Variants in DENND5B observed in about 807,000 individuals in gnomAD.
The protein encoded by DENND5B is DENN domain-containing protein 5B.
DENND5B carries 34 observed loss-of-function variants against 140.6 expected under a neutral mutation model. That is an observed-to-expected ratio of 0.24 (90% CI 0.18 to 0.32). The LOEUF (loss-of-function observed/expected upper bound fraction) is 0.32. Among genes scored for constraint, DENND5B ranks in the 10% least tolerant of loss-of-function variants. The pLI is 1.00. For missense variants in DENND5B, 1,142 were observed against 1,560.2 expected (o/e 0.73, Z 4.52); for synonymous variants, 551 against 562.1 (o/e 0.98, Z 0.28).
intron 6 of DENND5B, among the ~76,000 whole-genome samples, chr12:31,446,974 A>G (rs1944304547): frequency 6.6e-6 from 1 of 151,712 alleles, no homozygotes; most frequent in South Asian, 2.1e-4. Context: ...CAATAAAGAG[A>G]ATAAAACAAA....
rs372540800 is a variant in DENND5B at position 31,389,528 on chromosome 12, A to G, written c.3467-30T>C. 3.2e-5 allele frequency: 49 copies of G among 1,548,050 alleles called. No homozygotes were observed. In the African/African-American group the frequency reaches 5.6e-4, roughly 18 times the overall value. On this transcript the variant is annotated intron_variant, in intron 19 of 20. Transcript: ENST00000389082. ...GGAAAAAAGTCAGAATTATGTCACA[A>G]TATGTGTCAACACTTCATATATAGA...
intron 5 of DENND5B, among the ~76,000 whole-genome samples, chr12:31,449,725 AG>A (rs1243411366): frequency 1.7e-5 from 1 of 58,950 alleles, no homozygotes; most frequent in Non-Finnish European, 3.7e-5. Flanking sequence ...GGATATACAC[AG>A]ATTAGTTTTT....
rs1202387852 is a variant in DENND5B at position 31,383,030 on chromosome 12, G to C, written c.*4573C>G. 6.6e-6 allele frequency: 1 copy of C among 152,114 alleles called. No individual in the cohort carries two copies. Among genetic ancestry groups the C allele is most frequent in the African/African-American group, 2.4e-5 (1 of 41,438 alleles). The allele number at this position is 152,114 out of a possible 1,614,324, so 9.4% of individuals were successfully genotyped here. On this transcript the variant is annotated 3_prime_UTR_variant, in exon 21 of 21. Transcript: ENST00000389082. Reference sequence around the variant, plus strand: ...AAAAGACATGGATGACTTGGAAATAGGATTCACTTTATAAAAGTAGAGAAG... The same window carrying C: ...AAAAGACATGGATGACTTGGAAATACGATTCACTTTATAAAAGTAGAGAAG...
intron 1 of DENND5B, among the ~76,000 whole-genome samples, chr12:31,514,332 A>G (rs1199139640): frequency 1.3e-5 from 2 of 152,228 alleles, no homozygotes; most frequent in South Asian, 2.1e-4. Flanking sequence ...TGTTTGCACA[A>G]TAACAAAACC....
chr12:31,557,338 T>C (rs1949320392), intron 1 of DENND5B, among the ~76,000 whole-genome samples: 1 of 152,334 alleles, frequency 6.6e-6, no homozygotes, highest in South Asian at 2.1e-4. Context: ...TTCTATAAAA[T>C]GCATATCAGA....
chr12:31,546,057 GGCTAGTGTT>G (rs1450172538), intron 1 of DENND5B, among the ~76,000 whole-genome samples: 1 of 151,128 alleles, frequency 6.6e-6, no homozygotes, highest in East Asian at 1.9e-4. Flanking sequence ...AACACTGTAT[GGCTAGTGTT>G]TGTACTTTCA....
intron 2 of DENND5B, among the ~76,000 whole-genome samples, chr12:31,485,313 T>C (rs1946257749): frequency 6.6e-6 from 1 of 152,130 alleles, no homozygotes; most frequent in Non-Finnish European, 1.5e-5. Context: ...TCTTCAAGCA[T>C]CTCGACAATT....
At position 31,424,574 on chromosome 12, in the gene DENND5B, C is replaced by G. The variant is rs1277215076; in HGVS notation, c.2352G>C (p.Leu784=). 2 of 1,613,926 alleles carry G rather than the reference C, an allele frequency of 1.2e-6. No homozygotes were observed. The highest frequency in any genetic ancestry group is 4.5e-5 in the East Asian group (2 of 44,878). The change falls in exon 10 of 21, where the codon CTG becomes CTC. Residue 784 remains leucine (L), a synonymous_variant. Coordinates refer to ENST00000389082, the MANE Select transcript of DENND5B (RefSeq NM_144973.4). ...ENTLIASLCD[L]LERIWSHGLQ... ...AGCCATGGCTCCATATCCTCTCCAG[C>G]AGGTCACAAAGGCTGGCGATCAAGG...
chr12:31,543,042 T>C (rs376932724), intron 1 of DENND5B, among the ~76,000 whole-genome samples: 1 of 151,966 alleles, frequency 6.6e-6, no homozygotes, highest in East Asian at 1.9e-4. Flanking sequence ...CTACAAAAAA[T>C]ACAAAAACTA....
intron 1 of DENND5B, among the ~76,000 whole-genome samples, chr12:31,560,100 C>T (rs148269138): frequency 1.1e-3 from 164 of 152,190 alleles, no homozygotes; most frequent in African/African-American, 3.5e-3. Context: ...AATATTTTGC[C>T]TCCATAATGT....
chr12:31,571,550 C>A (rs926464086), intron 1 of DENND5B, among the ~76,000 whole-genome samples: 7 of 151,632 alleles, frequency 4.6e-5, no homozygotes, highest in African/African-American at 1.7e-4. Context: ...AAGTAAACAC[C>A]TGAATTAGAA....
chr12:31,542,630 T>C (rs1212922805), intron 1 of DENND5B, among the ~76,000 whole-genome samples: 1 of 152,140 alleles, frequency 6.6e-6, no homozygotes, highest in Non-Finnish European at 1.5e-5. Flanking sequence ...CATAAATATA[T>C]ACATCTGCTA....
intron 3 of DENND5B, among the ~76,000 whole-genome samples, chr12:31,478,683 GGAGT>G (rs1425572089): frequency 3.7e-5 from 5 of 136,322 alleles, no homozygotes; most frequent in Admixed American, 1.6e-4. Context: ...CCTGGGTGAC[GGAGT>G]GAGAACTTGT....
At position 31,495,795 on chromosome 12, in the gene DENND5B, A is replaced by T; in HGVS notation, c.237+15T>A. ...ACAAGGCTAAAGAGTAAATGAGGGGAAAAAAAACACATACCATGTTCACCG... is the reference window on the plus strand; with the variant it reads ...ACAAGGCTAAAGAGTAAATGAGGGGTAAAAAAACACATACCATGTTCACCG... On this transcript the variant is annotated intron_variant, in intron 2 of 20. Transcript: ENST00000389082. 1 of 293,764 alleles carries T rather than the reference A, an allele frequency of 3.4e-6. No individual in the cohort carries two copies. 18.2% of individuals were successfully genotyped at this position (293,764 alleles called of 1,614,324 possible). A position where few individuals can be genotyped will look rare whatever the true frequency, so the allele number is the denominator to read the frequency against.
In DENND5B at chr12:31,503,162, C is replaced by T. The variant is rs115909317; in HGVS notation, c.128-7243G>A. Reference sequence around the variant, plus strand: ...TATATACTACAGGTATTTCTCTTCCCTTTAGTTTACAGGGATAACAGCTAC... The same window carrying T: ...TATATACTACAGGTATTTCTCTTCCTTTTAGTTTACAGGGATAACAGCTAC... On this transcript the variant is annotated intron_variant, in intron 1 of 20. Transcript: ENST00000389082. Among the ~76,000 whole-genome samples the T allele has an allele frequency of 9.9e-3, 1,514 of 152,226 alleles. 27 individuals carry two copies. The highest frequency in any genetic ancestry group is 0.034 in the African/African-American group (1,427 of 41,530).
At chr12:31,540,912 G>T (rs1948663633) in intron 1 of DENND5B, 2 of 423,748 alleles carry the variant, frequency 4.7e-6, no homozygotes, top group Admixed American at 2.7e-5. Flanking sequence ...CATTTACAGT[G>T]AACTCACTTT....
intron 3 of DENND5B, among the ~76,000 whole-genome samples, chr12:31,461,882 G>A (rs1364732064): frequency 6.6e-6 from 1 of 152,116 alleles, no homozygotes; most frequent in Non-Finnish European, 1.5e-5. Flanking sequence ...TTAAGAAAAT[G>A]ATCAGATGTT....
At chr12:31,395,502 A>G (rs144986070) in intron 17 of DENND5B, among the ~76,000 whole-genome samples, 3,113 of 152,316 alleles carry the variant, frequency 0.02, 55 homozygotes, top group South Asian at 0.054. Flanking sequence ...CTGAGGCAGG[A>G]GAATCGCTTG....
At chr12:31,463,111 AAATT>A (rs1385702119) in intron 3 of DENND5B, among the ~76,000 whole-genome samples, 1 of 151,708 alleles carries the variant, frequency 6.6e-6, no homozygotes, top group African/African-American at 2.4e-5. Context: ...AAAAATATAA[AAATT>A]AGGCATAGTG....
Sources: gnomAD v4.1 joint callset for allele counts (sites outside exome capture counted in the v4.1 genomes callset) on GRCh38, gnomAD v4.1.1 for gene constraint, MANE v1.5 for transcripts, NCBI Gene and HGNC (gene_info 2026-07-23, HGNC 2026-07-21) for gene names.